Variants in ATM observed in about 807,000 individuals in gnomAD.
ATM encodes serine-protein kinase ATM.
A neutral mutation model predicts 387.0 loss-of-function variants in ATM; 308 were observed. The ratio of observed to expected loss-of-function variants is 0.80; its 90% CI spans 0.73 to 0.87. The LOEUF is 0.87. Among genes scored for constraint, ATM ranks in the 40% least tolerant of loss-of-function variants. ATM has a pLI of 0.00. For missense variants in ATM, 3,312 were observed against 3,560.9 expected (o/e 0.93, Z 1.78); for synonymous variants, 1,156 against 1,187.3 (o/e 0.97, Z 0.54).
chr11:108,249,177 A>T, intron 9 of ATM, 75 bp downstream of exon 9: 1 of 1,533,354 alleles, frequency 6.5e-7, no homozygotes, highest in Non-Finnish European at 9.0e-7. Flanking sequence ...CTTTCAGTGG[A>T]ATCCTTTCAT....
At position 108,235,750 on chromosome 11, in the gene ATM, G is replaced by A. The variant is rs150661813; in HGVS notation, c.412G>A (p.Gly138Arg). Residue 138 changes from glycine (G) to arginine (R), a missense_variant, in exon 5 of 63, where the codon GGA becomes AGA. Physicochemically the swap from Gly to Arg is moderately radical, Grantham distance 125. Around this residue, in one of 4 missense-constraint regions of ATM, gnomAD observed 1,791 missense variants for 1,804.5 expected, o/e 0.99. Transcript: ENST00000675843. ...AGATTCATCTAATGGTGCTATTTAC[G>A]GAGCTGATTGTAGCAACATACTACT... Reference protein sequence around the residue: ...VKDSSNGAIYGADCSNILLKD... With the variant: ...VKDSSNGAIYRADCSNILLKD... 1.1e-5 allele frequency: 17 copies of A among 1,612,694 alleles called. No individual in the cohort carries two copies. Among genetic ancestry groups the A allele is most frequent in the Admixed American group, 3.3e-5 (2 of 59,994 alleles).
chr11:108,262,637 T>C (rs1238277878), intron 16 of ATM, among the ~76,000 whole-genome samples: 6 of 152,140 alleles, frequency 3.9e-5, no homozygotes, highest in Non-Finnish European at 7.4e-5. Context: ...ATAACAATGT[T>C]AACTTTAAAT....
At position 108,347,370 on chromosome 11, in the gene ATM, G is replaced by A. The variant is rs1565567590; in HGVS notation, c.8671+5G>A. 2 of 1,574,738 alleles carry A rather than the reference G, an allele frequency of 1.3e-6. No individual in the cohort carries two copies. The highest frequency in any genetic ancestry group is 2.2e-5 in the South Asian group (2 of 90,202). ...AACTTGTACATATAGATCTAGGTAA[G>A]TAATAAAATCTATGTATCTATTCTT... On this transcript the variant is annotated splice_donor_5th_base_variant and intron_variant, in intron 59 of 62. Coordinates refer to ENST00000675843, the MANE Select transcript of ATM (RefSeq NM_000051.4).
intron 16 of ATM, among the ~76,000 whole-genome samples, chr11:108,266,613 T>C (rs1307693327): frequency 6.6e-6 from 1 of 151,946 alleles, no homozygotes; most frequent in East Asian, 1.9e-4. Flanking sequence ...TGTGCACATG[T>C]ACCCTAAAAC....
Position 108,312,562 on chromosome 11 carries a change from T to C in ATM, c.6006+64T>C, listed in dbSNP as rs55657815. On this transcript the variant is annotated intron_variant, in intron 40 of 62. Transcript: ENST00000675843. The stretch of plus-strand genomic sequence containing the variant: ...TCTCATACTTTGGGTTATTTTGTTA[T>C]AGACACTGTACAGATGCCATGTGAT... The C allele has an allele frequency of 2.2e-5, 26 of 1,184,940 alleles. No homozygotes were observed. In the East Asian group the frequency reaches 5.9e-4, roughly 27 times the overall value. The allele number at this position is 1,184,940 out of a possible 1,614,324, so 73.4% of individuals were successfully genotyped here.
At chr11:108,254,124 ACAG>A in intron 13 of ATM, 85 bp downstream of exon 13, 1 of 1,331,038 alleles carries the variant, frequency 7.5e-7, no homozygotes, top group African/African-American at 1.5e-5. Context: ...GGCAGGAAAA[ACAG>A]CAAGGATGGT....
chr11:108,311,250 C>T (rs956540605), intron 39 of ATM, among the ~76,000 whole-genome samples: 3 of 152,174 alleles, frequency 2.0e-5, no homozygotes, highest in Admixed American at 6.5e-5. Flanking sequence ...GCTGGGATTA[C>T]AAGCATGAGC....
chr11:108,290,638 C>CAAAAAAAAAAAAAAAAAAAAAAAAAA (rs10603787), intron 29 of ATM: 1 of 68,670 alleles, frequency 1.5e-5, no homozygotes, highest in Non-Finnish European at 2.5e-5. Context: ...ACTCTTGTCT[C>CAAAAAAAAAAAAAAAAAAAAAAAAAA]AAAAAAAAAA....
chr11:108,328,730 A>AT (rs1351467099), intron 48 of ATM, among the ~76,000 whole-genome samples: 1 of 152,204 alleles, frequency 6.6e-6, no homozygotes, highest in Non-Finnish European at 1.5e-5. Flanking sequence ...TGGGCCACAC[A>AT]TAAAATATAC....
intron 8 of ATM, 32 bp from the exon 9 acceptor site, chr11:108,248,901 A>G (rs781123383): frequency 5.1e-6 from 8 of 1,568,618 alleles, no homozygotes; most frequent in South Asian, 3.5e-5. Flanking sequence ...AAAAAAAAAA[A>G]AGAAAAAAGT....
At chr11:108,265,434 A>G (rs2081171418) in intron 16 of ATM, among the ~76,000 whole-genome samples, 1 of 152,236 alleles carries the variant, frequency 6.6e-6, no homozygotes, top group South Asian at 2.1e-4. Context: ...AGCCATATGT[A>G]GAAAGCTGAA....
At chr11:108,288,381 T>A (rs561551524) in intron 27 of ATM, among the ~76,000 whole-genome samples, 2 of 152,178 alleles carry the variant, frequency 1.3e-5, no homozygotes, top group Non-Finnish European at 2.9e-5. Flanking sequence ...AGCCTCACCT[T>A]TTCTTTATTG....
At chr11:108,357,439 C>A (rs1180687118) in intron 61 of ATM, among the ~76,000 whole-genome samples, 1 of 152,238 alleles carries the variant, frequency 6.6e-6, no homozygotes, top group East Asian at 1.9e-4. Context: ...GGGTGGAACC[C>A]ACCACAGCTC....
intron 46 of ATM, 69 bp downstream of exon 46, chr11:108,325,613 C>A: frequency 7.6e-7 from 1 of 1,312,794 alleles, no homozygotes; most frequent in Non-Finnish European, 1.1e-6. Context: ...AAACAGAAAG[C>A]CTGAGGGAAA....
At chr11:108,254,744 C>A (rs672964) in intron 13 of ATM, among the ~76,000 whole-genome samples, 1 of 151,938 alleles carries the variant, frequency 6.6e-6, no homozygotes, top group Admixed American at 6.6e-5. Context: ...CCTCCGTCTT[C>A]CAGTTCAAGC....
chr11:108,343,085 G>A, intron 56 of ATM, 137 bp from the exon 57 acceptor site: 1 of 1,112,132 alleles, frequency 9.0e-7, no homozygotes, highest in Non-Finnish European at 1.3e-6. Flanking sequence ...CCTCCAAGGA[G>A]CTTTGTCTTC....
intron 22 of ATM, among the ~76,000 whole-genome samples, chr11:108,274,960 T>C (rs1300015733): frequency 6.6e-6 from 1 of 152,158 alleles, no homozygotes; most frequent in African/African-American, 2.4e-5. Context: ...CTAATATTGA[T>C]GGTGGGGTGT....
rs752125292 is a variant in ATM at position 108,329,233 on chromosome 11, A to G, written c.7302A>G (p.Thr2434=). 6.2e-7 allele frequency: 1 copy of G among 1,611,898 alleles called. No individual in the cohort carries two copies. ...TCCTTAGGGAACATAAAATTCAGAC[A>G]AACAGGTAACTAGGTTTCTACAAGT... The part of the protein sequence containing the change: ...VGLLREHKIQ[T]NRYTVKVQRE... The change falls in exon 49 of 63, where the codon ACA becomes ACG. Residue 2434 remains threonine, a synonymous_variant. Transcript: ENST00000675843.
intron 36 of ATM, 38 bp downstream of exon 36, chr11:108,303,067 A>G (rs2083512456): frequency 1.3e-6 from 2 of 1,564,926 alleles, no homozygotes; most frequent in Admixed American, 1.7e-5. Context: ...TTCCTTGTTT[A>G]TGACCTGTTT....
Sources: allele counts gnomAD v4.1 joint callset (sites outside exome capture counted in the v4.1 genomes callset), GRCh38; gene constraint gnomAD v4.1.1; regional missense constraint gnomAD v4.1.1; transcripts MANE v1.5; gene names NCBI Gene and HGNC (gene_info 2026-07-23, HGNC 2026-07-21).